The following FANCC variants were observed in gnomAD, a reference collection of about 807,000 sequenced individuals.
FANCC encodes the protein Fanconi anemia group C protein.
A neutral mutation model predicts 71.3 loss-of-function variants in FANCC; 55 were observed. The ratio of observed to expected loss-of-function variants is 0.77; its 90% CI spans 0.62 to 0.97. The LOEUF is 0.97. Among genes scored for constraint, FANCC ranks in the 50% least tolerant of loss-of-function variants. The pLI is 0.00. For missense variants in FANCC, 678 were observed against 670.9 expected (o/e 1.01, Z -0.12); for synonymous variants, 275 against 244.9 (o/e 1.12, Z -1.15).
chr9:95,307,125 T>C lies in FANCC; in HGVS notation c.-79+10401A>G, dbSNP rs1163158608. Among the ~76,000 whole-genome samples the C allele has an allele frequency of 2.0e-5, 3 of 152,206 alleles. No individual in the cohort carries two copies. In the East Asian group the frequency reaches 5.8e-4, roughly 29 times the overall value. On this transcript the variant is annotated intron_variant, in intron 1 of 14. Transcript: ENST00000289081. ...GTCCTGAACTTACGGGCTCAAGTGA[T>C]CTGCCCACCTCTGCCTCCCAAAGTG...
intron 4 of FANCC, among the ~76,000 whole-genome samples, chr9:95,181,334 G>A (rs1381525216): frequency 6.6e-6 from 1 of 152,046 alleles, no homozygotes; most frequent in African/African-American, 2.4e-5. Flanking sequence ...ATATGGTTAC[G>A]TAGTTTTCAA....
At position 95,172,148 on chromosome 9, in the gene FANCC, C is replaced by T. The variant is rs1484503633; in HGVS notation, c.346-1G>A. On this transcript the variant is annotated splice_acceptor_variant, in intron 4 of 14. Transcript: ENST00000289081. LOFTEE classifies it high-confidence loss of function. ...CTGAAAGTATATGAGATAATACACC[C>T]TAAAAAACATAAACAGAAAAAGTTA... is the stretch of plus-strand genomic sequence containing the variant. 3 of 1,587,408 alleles carry T rather than the reference C, an allele frequency of 1.9e-6. No homozygotes were observed. The highest frequency in any genetic ancestry group is 2.6e-6 in the Non-Finnish European group (3 of 1,157,466).
At chr9:95,285,463 G>A (rs891108826) in intron 1 of FANCC, among the ~76,000 whole-genome samples, 20 of 151,924 alleles carry the variant, frequency 1.3e-4, no homozygotes, top group Admixed American at 1.3e-4. Context: ...CAAGAAACAC[G>A]GATTTCTTCT....
At chr9:95,153,753 T>G (rs1830309151) in intron 6 of FANCC, among the ~76,000 whole-genome samples, 1 of 152,210 alleles carries the variant, frequency 6.6e-6, no homozygotes, top group South Asian at 2.1e-4. Context: ...TTTCTCCCAC[T>G]CTGTTGGTTG....
chr9:95,138,429 TC>T (rs1828061401), intron 7 of FANCC, among the ~76,000 whole-genome samples: 1 of 152,130 alleles, frequency 6.6e-6, no homozygotes, highest in African/African-American at 2.4e-5. Flanking sequence ...TGTCCAGTAA[TC>T]ATGGGGAAGC....
At chr9:95,292,529 G>C in intron 1 of FANCC, 12 of 1,488,014 alleles carry the variant, frequency 8.1e-6, no homozygotes, top group Middle Eastern at 2.3e-4. Context: ...CCGTGCTGGC[G>C]GGGGAGCTGA....
At chr9:95,252,469 G>A (rs1831407807) in intron 1 of FANCC, among the ~76,000 whole-genome samples, 2 of 152,090 alleles carry the variant, frequency 1.3e-5, no homozygotes, top group South Asian at 4.2e-4. Context: ...GCCCGGGGCT[G>A]GGCGCCGTGG....
chr9:95,195,923 G>A (rs981415596), intron 4 of FANCC, among the ~76,000 whole-genome samples: 2 of 152,088 alleles, frequency 1.3e-5, no homozygotes, highest in African/African-American at 2.4e-5. Context: ...GATAGTATAC[G>A]GAGATGGAGT....
chr9:95,316,315 A>G (rs1310618128), intron 1 of FANCC, among the ~76,000 whole-genome samples: 1 of 152,276 alleles, frequency 6.6e-6, no homozygotes. Context: ...ACATTGAAAC[A>G]TCAATTCAAG....
At chr9:95,299,906 C>T (rs1003632768) in intron 1 of FANCC, among the ~76,000 whole-genome samples, 2 of 152,208 alleles carry the variant, frequency 1.3e-5, no homozygotes, top group Admixed American at 6.5e-5. Flanking sequence ...TCTCTGTATA[C>T]TCAAAACTCA....
intron 1 of FANCC, among the ~76,000 whole-genome samples, chr9:95,282,120 TA>T (rs1158460148): frequency 2.0e-5 from 3 of 150,728 alleles, no homozygotes; most frequent in Admixed American, 6.6e-5. Context: ...TAAATGGATT[TA>T]AAAAAAAAGA....
intron 6 of FANCC, among the ~76,000 whole-genome samples, chr9:95,159,732 G>C: frequency 6.6e-6 from 1 of 152,108 alleles, no homozygotes; most frequent in East Asian, 1.9e-4. Context: ...ATTCTAACTG[G>C]TGTGAGATGG....
chr9:95,121,029 G>A (rs1337612101), intron 10 of FANCC, among the ~76,000 whole-genome samples: 1 of 152,166 alleles, frequency 6.6e-6, no homozygotes, highest in Non-Finnish European at 1.5e-5. Flanking sequence ...TCTGTGTGAT[G>A]TCCCTTTAAA....
At chr9:95,198,913 CTT>C (rs1306185196) in intron 4 of FANCC, among the ~76,000 whole-genome samples, 1 of 151,898 alleles carries the variant, frequency 6.6e-6, no homozygotes, top group East Asian at 1.9e-4. Flanking sequence ...AACTTTTAAA[CTT>C]TTTTTGTAGA....
chr9:95,198,397 T>C (rs144580536), intron 4 of FANCC, among the ~76,000 whole-genome samples: 1 of 152,246 alleles, frequency 6.6e-6, no homozygotes, highest in Admixed American at 6.5e-5. Flanking sequence ...ATGTGGAACC[T>C]TCTTTTAGAG....
chr9:95,305,357 C>T (rs1358211944), intron 1 of FANCC, among the ~76,000 whole-genome samples: 2 of 152,108 alleles, frequency 1.3e-5, no homozygotes, highest in Non-Finnish European at 2.9e-5. Context: ...AAAATGATAC[C>T]TCACCAGATG....
chr9:95,287,188 G>A (rs900364494), intron 1 of FANCC, among the ~76,000 whole-genome samples: 19 of 152,032 alleles, frequency 1.2e-4, no homozygotes, highest in Admixed American at 1.0e-3. Context: ...TATCATGTAC[G>A]AGATGGAGCC....
At chr9:95,276,375 T>C (rs938482062) in intron 1 of FANCC, among the ~76,000 whole-genome samples, 10 of 152,204 alleles carry the variant, frequency 6.6e-5, no homozygotes, top group Non-Finnish European at 1.5e-4. Context: ...AGCTTTTCTC[T>C]AACCCTTTCC....
chr9:95,244,460 A>G (rs1830821643), intron 3 of FANCC, among the ~76,000 whole-genome samples: 1 of 152,134 alleles, frequency 6.6e-6, no homozygotes, highest in African/African-American at 2.4e-5. Flanking sequence ...CAGGCAGATC[A>G]CAAGGTCAGG....
Sources: allele counts gnomAD v4.1 joint callset (sites outside exome capture counted in the v4.1 genomes callset), GRCh38; gene constraint gnomAD v4.1.1; transcripts MANE v1.5; gene names NCBI Gene and HGNC (gene_info 2026-07-23, HGNC 2026-07-21).